The following FAF1 variants were observed in gnomAD, a reference collection of about 807,000 sequenced individuals.
FAF1 encodes FAS-associated factor 1.
FAF1 carries 25 observed loss-of-function variants against 92.5 expected under a neutral mutation model. That is an observed-to-expected ratio of 0.27 (90% CI 0.20 to 0.38). The LOEUF (loss-of-function observed/expected upper bound fraction) is 0.38. FAF1 is among the 10% of genes least tolerant of loss of function. The pLI, the probability that FAF1 is intolerant of heterozygous loss-of-function variation, is 1.00. For synonymous variants in FAF1, 234 were observed against 273.2 expected (o/e 0.86, Z 1.42); for missense variants, 636 against 793.3 (o/e 0.80, Z 2.38).
At chr1:50,808,638 C>A (rs1394495726) in intron 2 of FAF1, among the ~76,000 whole-genome samples, 5 of 150,138 alleles carry the variant, frequency 3.3e-5, no homozygotes, top group African/African-American at 9.8e-5. Flanking sequence ...ATAAAACACA[C>A]TTTAAATCAA....
intron 18 of FAF1, among the ~76,000 whole-genome samples, chr1:50,460,161 T>C (rs911461456): frequency 1.3e-5 from 2 of 152,206 alleles, no homozygotes; most frequent in African/African-American, 4.8e-5. Context: ...CTTATTTTAT[T>C]TCCCTTTATA....
chr1:50,803,407 C>A (rs1662074260), intron 2 of FAF1, among the ~76,000 whole-genome samples: 1 of 152,122 alleles, frequency 6.6e-6, no homozygotes, highest in African/African-American at 2.4e-5. Context: ...AATTTTGTAA[C>A]CTTAGTATAT....
At chr1:50,615,415 G>T (rs192392172) in intron 8 of FAF1, among the ~76,000 whole-genome samples, 1 of 152,178 alleles carries the variant, frequency 6.6e-6, no homozygotes, top group Admixed American at 6.5e-5. Context: ...GGGTTGAATG[G>T]TAGCTCTGAT....
chr1:50,780,160 G>A (rs1297264446), intron 4 of FAF1, among the ~76,000 whole-genome samples: 1 of 152,052 alleles, frequency 6.6e-6, no homozygotes, highest in African/African-American at 2.4e-5. Context: ...ACATAAAGTA[G>A]GTGAATGGAT....
chr1:50,824,536 C>T lies in FAF1; in HGVS notation c.115-22859G>A, dbSNP rs1644075739. Among the ~76,000 whole-genome samples, 12 of 152,070 alleles carry T rather than the reference C, an allele frequency of 7.9e-5. 1 individual carries two copies. The South Asian group carries it at 2.5e-3, about 32-fold the overall frequency. On this transcript the variant is annotated intron_variant, in intron 2 of 18. Transcript: ENST00000396153. ...TGGGTGGGAATATAAATTAGTACAA[C>T]TACTATGGAAAACAATATAGAGGTT... is the stretch of plus-strand genomic sequence containing the variant.
intron 6 of FAF1, among the ~76,000 whole-genome samples, chr1:50,738,610 G>A (rs1288870395): frequency 2.0e-5 from 3 of 152,014 alleles, no homozygotes; most frequent in Non-Finnish European, 4.4e-5. Context: ...AGTCAGAGAA[G>A]TACCATTTTG....
chr1:50,605,540 A>G (rs1652337753), intron 8 of FAF1, among the ~76,000 whole-genome samples: 1 of 152,186 alleles, frequency 6.6e-6, no homozygotes, highest in Admixed American at 6.5e-5. Flanking sequence ...TTTCAGCTCA[A>G]TCAAGAACTC....
At chr1:50,882,310 T>C (rs1644618391) in intron 1 of FAF1, among the ~76,000 whole-genome samples, 1 of 152,096 alleles carries the variant, frequency 6.6e-6, no homozygotes, top group African/African-American at 2.4e-5. Context: ...TATACATATG[T>C]AGGCCAGGCA....
At chr1:50,490,440 G>C in intron 17 of FAF1, 148 bp downstream of exon 17, 1 of 487,746 alleles carries the variant, frequency 2.1e-6, no homozygotes, top group Non-Finnish European at 3.8e-6. Flanking sequence ...AGGAAGGAAG[G>C]AAGGAAGGAA....
chr1:50,739,147 T>C (rs901494250), intron 5 of FAF1, among the ~76,000 whole-genome samples, 193 bp from the exon 6 acceptor site: 1 of 151,868 alleles, frequency 6.6e-6, no homozygotes. Flanking sequence ...TATACATATA[T>C]AGGGGAAATA....
intron 8 of FAF1, among the ~76,000 whole-genome samples, chr1:50,613,159 A>C (rs972126363): frequency 6.6e-6 from 1 of 152,220 alleles, no homozygotes; most frequent in South Asian, 2.1e-4. Flanking sequence ...CTAGTCCTAT[A>C]ATCCAAGGCC....
intron 15 of FAF1, among the ~76,000 whole-genome samples, chr1:50,510,454 G>C (rs958910150): frequency 3.3e-5 from 5 of 152,044 alleles, no homozygotes; most frequent in African/African-American, 7.2e-5. Context: ...AATGGTAGAG[G>C]GGGGGAAGCA....
chr1:50,482,656 A>G (rs967852722), intron 17 of FAF1, among the ~76,000 whole-genome samples: 1 of 152,172 alleles, frequency 6.6e-6, no homozygotes, highest in African/African-American at 2.4e-5. Context: ...GTTGCTCCTC[A>G]TCTTTGCCAG....
chr1:50,494,273 A>G (rs1022952543), intron 15 of FAF1, among the ~76,000 whole-genome samples: 2 of 152,108 alleles, frequency 1.3e-5, no homozygotes, highest in Non-Finnish European at 2.9e-5. Context: ...ATATTATTCT[A>G]TATTATCAGA....
chr1:50,748,266 C>T (rs1659707532), intron 4 of FAF1, among the ~76,000 whole-genome samples: 1 of 152,068 alleles, frequency 6.6e-6, no homozygotes, highest in South Asian at 2.1e-4. Context: ...GAGGCCAAGG[C>T]AGGCAGATCA....
intron 6 of FAF1, among the ~76,000 whole-genome samples, chr1:50,707,218 AAAG>A (rs1160304367): frequency 1.3e-5 from 2 of 151,724 alleles, no homozygotes; most frequent in Non-Finnish European, 2.9e-5. Flanking sequence ...AAAAAAAAAA[AAAG>A]AATTAGGCAG....
intron 7 of FAF1, among the ~76,000 whole-genome samples, chr1:50,659,955 T>C (rs1655299653): frequency 6.6e-6 from 1 of 152,234 alleles, no homozygotes; most frequent in South Asian, 2.1e-4. Flanking sequence ...TAAACACCTG[T>C]TTATATACTA....
rs983120367 is a variant in FAF1, at chr1:50,664,587, G to A, written c.658-9059C>T. 4.0e-5 allele frequency among the ~76,000 whole-genome samples: 6 copies of A among 151,874 alleles called. 1 individual carries two copies. Among genetic ancestry groups the A allele is most frequent in the Non-Finnish European group, 5.9e-5 (4 of 67,974 alleles). ...GGGTGGATCACGAGGTCAGCAGATCGAGACCATCCTGGCTAACACGGTGAA... is the reference window on the plus strand; with the variant it reads ...GGGTGGATCACGAGGTCAGCAGATCAAGACCATCCTGGCTAACACGGTGAA... On this transcript the variant is annotated intron_variant, in intron 7 of 18. Transcript: ENST00000396153.
At chr1:50,836,617 ATTG>A (rs1344388546) in intron 2 of FAF1, among the ~76,000 whole-genome samples, 2 of 152,170 alleles carry the variant, frequency 1.3e-5, no homozygotes, top group Non-Finnish European at 2.9e-5. Flanking sequence ...GGATTCAATA[ATTG>A]TTAATACTCT....
Sources: gnomAD v4.1 joint callset for allele counts (sites outside exome capture counted in the v4.1 genomes callset) on GRCh38, gnomAD v4.1.1 for gene constraint, MANE v1.5 for transcripts, NCBI Gene and HGNC (gene_info 2026-07-23, HGNC 2026-07-21) for gene names.